The following STX8 variants were observed in gnomAD, a reference collection of about 807,000 sequenced individuals.
STX8 encodes the protein syntaxin 8, also known as syntaxin-8.
STX8 carries 23 observed loss-of-function variants against 37.5 expected under a neutral mutation model. The observed-to-expected ratio is 0.61, with a 90% CI of 0.44 to 0.87. The LOEUF (loss-of-function observed/expected upper bound fraction) is 0.87, where lower values mean the gene tolerates loss of function less well. Among genes scored for constraint, STX8 ranks in the 40% least tolerant of loss-of-function variants. STX8 has a pLI of 0.00. For synonymous variants in STX8, 115 were observed against 99.1 expected (o/e 1.16, Z -0.95); for missense variants, 313 against 284.7 (o/e 1.10, Z -0.71).
At chr17:9,395,616 A>G (rs577672430) in intron 6 of STX8, among the ~76,000 whole-genome samples, 32 of 152,186 alleles carry the variant, frequency 2.1e-4, no homozygotes, top group Non-Finnish European at 4.3e-4. Flanking sequence ...CAAATATGGT[A>G]CAGGCTAAGG....
intron 6 of STX8, among the ~76,000 whole-genome samples, chr17:9,425,573 C>T (rs764891861): frequency 1.3e-5 from 2 of 152,130 alleles, no homozygotes; most frequent in African/African-American, 2.4e-5. Flanking sequence ...TATTATCACT[C>T]AAAAGGTTTT....
chr17:9,493,932 T>G lies in STX8; in HGVS notation c.449-2011A>C, dbSNP rs576838826. Among the ~76,000 whole-genome samples the G allele has an allele frequency of 2.0e-5, 3 of 152,254 alleles. No individual in the cohort carries two copies. In the South Asian group the frequency reaches 6.2e-4, roughly 32 times the overall value. ...TATATCCACATAGTAAAACACTGTA[T>G]AGCCACTGAAAATCATATTGTTTAT... On this transcript the variant is annotated intron_variant, in intron 5 of 7. Transcript: ENST00000306357.
At chr17:9,536,533 CGTCA>C (rs979165918) in intron 4 of STX8, among the ~76,000 whole-genome samples, 42 of 152,252 alleles carry the variant, frequency 2.8e-4, no homozygotes, top group African/African-American at 9.9e-4. Context: ...CCTTAACAAT[CGTCA>C]GTCAGAGTGG....
intron 3 of STX8, among the ~76,000 whole-genome samples, chr17:9,552,337 G>A (rs1906797220): frequency 6.6e-6 from 1 of 152,154 alleles, no homozygotes; most frequent in African/African-American, 2.4e-5. Flanking sequence ...GTGAGATCCT[G>A]TCTTTAAAAA....
intron 7 of STX8, among the ~76,000 whole-genome samples, chr17:9,322,189 A>G (rs1409015078): frequency 1.3e-5 from 2 of 152,210 alleles, no homozygotes; most frequent in East Asian, 3.9e-4. Flanking sequence ...TGAAGGATGG[A>G]GGAAGTATAA....
chr17:9,429,129 C>T (rs1913749248), intron 6 of STX8, among the ~76,000 whole-genome samples: 1 of 151,592 alleles, frequency 6.6e-6, no homozygotes, highest in African/African-American at 2.4e-5. Flanking sequence ...GTTTTTAAAA[C>T]AGTTTTATTG....
At chr17:9,445,677 G>A (rs1201986075) in intron 6 of STX8, among the ~76,000 whole-genome samples, 1 of 151,994 alleles carries the variant, frequency 6.6e-6, no homozygotes, top group Non-Finnish European at 1.5e-5. Flanking sequence ...AATTTTCCAA[G>A]ATTCTGCATG....
intron 7 of STX8, among the ~76,000 whole-genome samples, chr17:9,370,955 A>T (rs1356058402): frequency 6.6e-6 from 1 of 151,522 alleles, no homozygotes; most frequent in African/African-American, 2.4e-5. Flanking sequence ...TTTCTACTTG[A>T]TGCTATCATT....
chr17:9,422,603 C>T (rs1913480285), intron 6 of STX8, among the ~76,000 whole-genome samples: 1 of 152,236 alleles, frequency 6.6e-6, no homozygotes, highest in African/African-American at 2.4e-5. Context: ...CAAGGTTCAT[C>T]CGTGTTGTTC....
Position 9,488,821 on chromosome 17 carries a change from AGT to A in STX8, c.541+3006_541+3007del, listed in dbSNP as rs71135988. Among the ~76,000 whole-genome samples the A allele has an allele frequency of 6.0e-3, 864 of 143,992 alleles. 11 individuals are homozygous for A. The highest frequency in any genetic ancestry group is 0.019 in the African/African-American group (740 of 38,882). 94.5% of individuals were successfully genotyped at this position (143,992 alleles called of 152,430 possible). On this transcript the variant is annotated intron_variant, in intron 6 of 7. Transcript: ENST00000306357. ...GAGAAAGAGAGAGAGAGAGAGAGAG[AGT>A]GTGTGTGTGTGTGTGTGTGTGTGTT...
At chr17:9,407,247 C>T (rs1912833317) in intron 6 of STX8, among the ~76,000 whole-genome samples, 3 of 152,206 alleles carry the variant, frequency 2.0e-5, no homozygotes, top group East Asian at 1.9e-4. Context: ...AAGCTGGTGT[C>T]GAACTCCTAA....
intron 5 of STX8, among the ~76,000 whole-genome samples, chr17:9,503,236 T>C (rs1341946208): frequency 6.6e-6 from 1 of 152,160 alleles, no homozygotes; most frequent in Non-Finnish European, 1.5e-5. Context: ...TGTATAGTTC[T>C]ATTTATATAA....
At chr17:9,318,946 G>A (rs756225186) in intron 7 of STX8, among the ~76,000 whole-genome samples, 3 of 152,114 alleles carry the variant, frequency 2.0e-5, no homozygotes, top group Non-Finnish European at 2.9e-5. Flanking sequence ...GAGCCAGTGC[G>A]GATTGGAGCA....
chr17:9,252,929 T>G (rs80053356), intron 7 of STX8, among the ~76,000 whole-genome samples: 70,825 of 146,824 alleles, frequency 0.48, 17,301 homozygotes, highest in Non-Finnish European at 0.58. Context: ...AAGGAGGAGA[T>G]GTGACACCGT....
intron 6 of STX8, among the ~76,000 whole-genome samples, chr17:9,480,300 A>G (rs1906271404): frequency 6.6e-6 from 1 of 152,248 alleles, no homozygotes; most frequent in African/African-American, 2.4e-5. Flanking sequence ...AATTTGGAGA[A>G]TGTACTGAGG....
chr17:9,527,588 TACATGCAGGGGC>T (rs1278333478), intron 4 of STX8, among the ~76,000 whole-genome samples: 2 of 152,200 alleles, frequency 1.3e-5, no homozygotes, highest in African/African-American at 4.8e-5. Flanking sequence ...TTAAAATTAA[TACATGCAGGGGC>T]AAAGAATGTT....
rs367890845 is a variant in STX8, at chr17:9,268,969, T to C, written c.644-18324A>G. ...TTGGGAGGCTGAGGCGGGCGGATCA[T>C]GAAGTCAGCAGATCGAGACCATCCT... On this transcript the variant is annotated intron_variant, in intron 7 of 7. Coordinates refer to ENST00000306357, the MANE Select transcript of STX8 (RefSeq NM_004853.3). Among the ~76,000 whole-genome samples, 109 of 151,924 alleles carry C rather than the reference T, an allele frequency of 7.2e-4. 1 individual carries two copies. Among genetic ancestry groups the C allele is most frequent in the South Asian group, 1.9e-3 (9 of 4,812 alleles).
intron 1 of STX8, among the ~76,000 whole-genome samples, chr17:9,574,425 ATAGAGT>A (rs1457770809): frequency 6.6e-6 from 1 of 151,978 alleles, no homozygotes; most frequent in East Asian, 1.9e-4. Context: ...TTTCCAAATT[ATAGAGT>A]TAAAGATGCT....
At chr17:9,288,419 T>C (rs990026498) in intron 7 of STX8, among the ~76,000 whole-genome samples, 1 of 151,658 alleles carries the variant, frequency 6.6e-6, no homozygotes, top group Admixed American at 6.6e-5. Flanking sequence ...CCCAGCACTT[T>C]GGGAGGCCGA....
Sources: gnomAD v4.1 joint callset for allele counts (sites outside exome capture counted in the v4.1 genomes callset) on GRCh38, gnomAD v4.1.1 for gene constraint, MANE v1.5 for transcripts, NCBI Gene and HGNC (gene_info 2026-07-23, HGNC 2026-07-21) for gene names.